PJA2: variants seen among roughly 807,000 people sequenced by gnomAD.
PJA2 encodes the protein E3 ubiquitin-protein ligase Praja-2.
A neutral mutation model predicts 69.3 loss-of-function variants in PJA2; 25 were observed. That is an observed-to-expected ratio of 0.36 (90% confidence interval 0.26 to 0.50). The LOEUF is 0.50. Ranked by LOEUF, PJA2 falls within the 20% of genes least tolerant of loss-of-function variation. The pLI is 0.96. For missense variants in PJA2, 809 were observed against 830.2 expected (o/e 0.97, Z 0.31); for synonymous variants, 308 against 277.8 (o/e 1.11, Z -1.08).
intron 7 of PJA2, among the ~76,000 whole-genome samples, chr5:109,353,872 A>G (rs1272225643): frequency 2.0e-5 from 1 of 50,370 alleles, no homozygotes; most frequent in East Asian, 4.3e-4. Context: ...ATCTAGAGAT[A>G]TCTATAGATT....
chr5:109,386,347 T>C (rs1747156605), intron 1 of PJA2, among the ~76,000 whole-genome samples: 1 of 152,106 alleles, frequency 6.6e-6, no homozygotes, highest in African/African-American at 2.4e-5. Context: ...TGGAGGATAA[T>C]GGCGAATGGC....
intron 1 of PJA2, among the ~76,000 whole-genome samples, chr5:109,403,172 C>T (rs1340273176): frequency 6.6e-6 from 1 of 151,982 alleles, no homozygotes; most frequent in East Asian, 1.9e-4. Context: ...AGGAAAGACA[C>T]CACTACAGAC....
At chr5:109,385,695 A>T (rs1019589514) in intron 1 of PJA2, among the ~76,000 whole-genome samples, 1 of 152,202 alleles carries the variant, frequency 6.6e-6, no homozygotes, top group African/African-American at 2.4e-5. Context: ...GGAGAAGTGA[A>T]GTTAAGCCCT....
rs1561344554 is a variant in PJA2 at position 109,353,137 on chromosome 5, CCTATATCTAGATATCTATATATTAGATAT to C, written c.1764+2749_1764+2777del. On this transcript the variant is annotated intron_variant, in intron 7 of 9. Transcript: ENST00000361189. ...TCTATAGACATCTATATATTAGATA[CCTATATCTAGATATCTATATATTAGATAT>C]CTATAATATCTATAGATATCTATAT... Among the ~76,000 whole-genome samples, 1,078 of 140,648 alleles carry C rather than the reference CCTATATCTAGATATCTATATATTAGATAT, an allele frequency of 7.7e-3. 2 individuals carry two copies. Among genetic ancestry groups the C allele is most frequent in the Non-Finnish European group, 0.012 (764 of 65,210 alleles). 92.3% of individuals were successfully genotyped at this position (140,648 alleles called of 152,430 possible). A position where few individuals can be genotyped will look rare whatever the true frequency, so the allele number is the denominator to read the frequency against.
chr5:109,359,711 C>T (rs1762479129), intron 6 of PJA2, among the ~76,000 whole-genome samples: 1 of 152,102 alleles, frequency 6.6e-6, no homozygotes, highest in Non-Finnish European at 1.5e-5. Context: ...AACTTGTTAA[C>T]TAAATACAAT....
intron 9 of PJA2, among the ~76,000 whole-genome samples, chr5:109,340,264 T>A (rs544097234): frequency 6.6e-6 from 1 of 152,320 alleles, no homozygotes; most frequent in African/African-American, 2.4e-5. Context: ...GGTTATCTCA[T>A]ACAGAGATAT....
At chr5:109,348,007 CTGTTGAGCTTGAGCTCAG>C (rs1412818135) in intron 7 of PJA2, among the ~76,000 whole-genome samples, 1 of 152,124 alleles carries the variant, frequency 6.6e-6, no homozygotes, top group Admixed American at 6.5e-5. Flanking sequence ...TTGGTTACAC[CTGTTGAGCTTGAGCTCAG>C]TGTTGAGCTC....
Position 109,378,237 on chromosome 5 carries a change from T to A in PJA2, c.1250A>T (p.Asp417Val). Reference sequence around the variant, plus strand: ...ATCTTTGTCATAGAGTTGGTAATAATCTCCACAGCCATTCCAAAAGGTGTT... The same window carrying A: ...ATCTTTGTCATAGAGTTGGTAATAAACTCCACAGCCATTCCAAAAGGTGTT... Reference protein sequence around the residue: ...VDNTFWNGCGDYYQLYDKDED... With the variant: ...VDNTFWNGCGVYYQLYDKDED... The change falls in exon 4 of 10, where the codon GAT becomes GTT. Residue 417 changes from aspartate (D) to valine (V), a missense_variant. Physicochemically the swap from Asp to Val is radical, Grantham distance 152. Around this residue, in one of 4 missense-constraint regions of PJA2, gnomAD observed 700 missense variants for 639.5 expected, o/e 1.09. Coordinates refer to ENST00000361189, the MANE Select transcript of PJA2 (RefSeq NM_014819.5). 1 of 1,613,482 alleles carries A rather than the reference T, an allele frequency of 6.2e-7. No homozygotes were observed. Among genetic ancestry groups the A allele is most frequent in the South Asian group, 1.1e-5 (1 of 90,994 alleles).
chr5:109,395,978 C>T (rs1033370941), intron 1 of PJA2, among the ~76,000 whole-genome samples: 1 of 121,080 alleles, frequency 8.3e-6, no homozygotes, highest in African/African-American at 3.0e-5. Flanking sequence ...CCAGCTTGGG[C>T]AAGAAGAGCG....
At chr5:109,400,872 A>C (rs559494261) in intron 1 of PJA2, among the ~76,000 whole-genome samples, 3 of 151,976 alleles carry the variant, frequency 2.0e-5, no homozygotes, top group Non-Finnish European at 4.4e-5. Flanking sequence ...AGCCCCAGTT[A>C]CTCAGGAGGC....
At chr5:109,407,926 T>C (rs1299416020) in intron 1 of PJA2, among the ~76,000 whole-genome samples, 1 of 152,148 alleles carries the variant, frequency 6.6e-6, no homozygotes, top group Non-Finnish European at 1.5e-5. Context: ...TCCAAATTAA[T>C]CTAAAATTTC....
intron 7 of PJA2, among the ~76,000 whole-genome samples, chr5:109,349,905 T>A (rs948517147): frequency 6.6e-6 from 1 of 152,210 alleles, no homozygotes; most frequent in African/African-American, 2.4e-5. Context: ...GATCCTGTTA[T>A]CAGTCCCTTT....
intron 7 of PJA2, among the ~76,000 whole-genome samples, chr5:109,354,552 C>T (rs1219546703): frequency 7.7e-6 from 1 of 129,794 alleles, no homozygotes; most frequent in Non-Finnish European, 1.6e-5. Flanking sequence ...ATATCTATAT[C>T]GATATTAGAT....
At position 109,381,571 on chromosome 5, in the gene PJA2, C is replaced by T; in HGVS notation, c.164G>A (p.Ser55Asn). Residue 55 changes from serine to asparagine, a missense_variant, in exon 3 of 10, where the codon AGC (serine) becomes AAC (asparagine). By Grantham distance (46) the Ser-to-Asn change is conservative (BLOSUM62 1). This residue lies in a region of PJA2 where 700 missense variants were observed against 639.5 expected (regional missense o/e 1.09). Transcript: ENST00000361189. Reference protein sequence around the residue: ...FKPCMTRHERSLGRAGDDYEV... With the variant: ...FKPCMTRHERNLGRAGDDYEV... ...ATAGTCATCACCAGCCCGACCTAAG[C>T]TTCTTTCATGTCTGGTCATACATGG... The T allele has an allele frequency of 6.2e-7, 1 of 1,614,104 alleles. No individual in the cohort carries two copies. The highest frequency in any genetic ancestry group is 2.2e-5 in the East Asian group (1 of 44,872).
At position 109,376,353 on chromosome 5, in the gene PJA2, T is replaced by A. The variant is rs547108688; in HGVS notation, c.1283+1851A>T. ...TAAGAATTACAAATAACTAAGAAAA[T>A]ACCTTATAACTATGAAAAGTCCAGG... is the stretch of plus-strand genomic sequence containing the variant. On this transcript the variant is annotated intron_variant, in intron 4 of 9. Transcript: ENST00000361189. Among the ~76,000 whole-genome samples, 246 of 141,566 alleles carry A rather than the reference T, an allele frequency of 1.7e-3. 1 individual carries two copies. The highest frequency in any genetic ancestry group is 6.2e-3 in the African/African-American group (239 of 38,626). 92.9% of individuals were successfully genotyped at this position (141,566 alleles called of 152,430 possible).
intron 1 of PJA2, among the ~76,000 whole-genome samples, chr5:109,393,540 A>AG (rs1171298793): frequency 2.0e-5 from 3 of 152,186 alleles, no homozygotes; most frequent in Non-Finnish European, 4.4e-5. Context: ...CAGGCTGTTG[A>AG]GGGTGACTGC....
At chr5:109,349,895 G>A (rs1762221621) in intron 7 of PJA2, among the ~76,000 whole-genome samples, 1 of 152,126 alleles carries the variant, frequency 6.6e-6, no homozygotes, top group African/African-American at 2.4e-5. Context: ...TGGAAGGTAA[G>A]ATCCTGTTAT....
chr5:109,404,063 TC>T, intron 1 of PJA2, among the ~76,000 whole-genome samples: 1 of 138,180 alleles, frequency 7.2e-6, no homozygotes, highest in South Asian at 2.5e-4. Context: ...AGAGCAAGAC[TC>T]CATCTCAAAA....
chr5:109,385,622 G>A (rs1312829579), intron 1 of PJA2, among the ~76,000 whole-genome samples: 1 of 152,168 alleles, frequency 6.6e-6, no homozygotes, highest in African/African-American at 2.4e-5. Context: ...TAATTTGGGA[G>A]TTGTCAGTGT....
Sources: gnomAD v4.1 joint callset for allele counts (sites outside exome capture counted in the v4.1 genomes callset) on GRCh38, gnomAD v4.1.1 for gene constraint, gnomAD v4.1.1 regional missense constraint, MANE v1.5 for transcripts, NCBI Gene and HGNC (gene_info 2026-07-23, HGNC 2026-07-21) for gene names.